The following PCDH15 variants were observed in gnomAD, a reference collection of about 807,000 sequenced individuals.
The protein encoded by PCDH15 is protocadherin related 15.
Under a neutral mutation model 178.5 loss-of-function variants are expected in PCDH15, and 129 were observed. The ratio of observed to expected loss-of-function variants is 0.72; its 90% CI spans 0.63 to 0.84. The LOEUF (loss-of-function observed/expected upper bound fraction) is 0.84, where lower values mean the gene tolerates loss of function less well. Among genes scored for constraint, PCDH15 ranks in the 40% least tolerant of loss-of-function variants. The pLI is 0.00. For synonymous variants in PCDH15, 800 were observed against 732.0 expected (o/e 1.09, Z -1.50); for missense variants, 2,230 against 2,099.9 (o/e 1.06, Z -1.21).
At chr10:55,284,905 G>A (rs373242025) in intron 1 of PCDH15, among the ~76,000 whole-genome samples, 31 of 151,654 alleles carry the variant, frequency 2.0e-4, no homozygotes, top group Middle Eastern at 3.2e-3. Flanking sequence ...TATTCATAGG[G>A]AATCAGAGTC....
At chr10:54,209,558 G>T (rs1431155646) in intron 10 of PCDH15, among the ~76,000 whole-genome samples, 2 of 151,986 alleles carry the variant, frequency 1.3e-5, no homozygotes, top group Non-Finnish European at 2.9e-5. Context: ...ACTGAAAAAG[G>T]GAATAGAAAA....
intron 23 of PCDH15, among the ~76,000 whole-genome samples, chr10:53,949,234 G>A (rs1307650294): frequency 4.6e-5 from 7 of 152,148 alleles, no homozygotes; most frequent in Admixed American, 2.0e-4. Flanking sequence ...TTAAATGGGC[G>A]AAACCTATTA....
chr10:55,388,557 C>T (rs530070989), intron 2 of PCDH15, among the ~76,000 whole-genome samples: 4 of 152,046 alleles, frequency 2.6e-5, no homozygotes, highest in African/African-American at 7.2e-5. Flanking sequence ...TTAGATTTTG[C>T]TGGGTTAATA....
chr10:54,557,495 TACA>T (rs1377777413), intron 2 of PCDH15, among the ~76,000 whole-genome samples: 3 of 152,164 alleles, frequency 2.0e-5, no homozygotes, highest in African/African-American at 7.2e-5. Context: ...TTTTGAGATA[TACA>T]ACATTACTCA....
At chr10:54,502,378 G>C (rs1565440577) in intron 3 of PCDH15, among the ~76,000 whole-genome samples, 1 of 152,048 alleles carries the variant, frequency 6.6e-6, no homozygotes, top group Non-Finnish European at 1.5e-5. Context: ...CAGTGTTTCA[G>C]TTATAACAGC....
At chr10:55,148,427 A>G (rs914535641) in intron 2 of PCDH15, among the ~76,000 whole-genome samples, 19 of 151,858 alleles carry the variant, frequency 1.3e-4, no homozygotes, top group Non-Finnish European at 2.7e-4. Flanking sequence ...GTTGTGGACT[A>G]GGACCTATGG....
At position 55,529,271 on chromosome 10, in the gene PCDH15, C is replaced by T. The variant is rs565266073; in HGVS notation, c.-156+98354G>A. 1.9e-3 allele frequency among the ~76,000 whole-genome samples: 283 copies of T among 152,172 alleles called. 3 individuals carry two copies. The highest frequency in any genetic ancestry group is 6.8e-3 in the Middle Eastern group (2 of 294). On this transcript the variant is annotated intron_variant, in intron 2 of 5. Transcript: ENST00000613346. The stretch of plus-strand genomic sequence containing the variant: ...TCAATTTTGGCTTTTGTTGTCATTG[C>T]TTCTGGTGTTTTAGACATGAAGTCT...
At chr10:53,824,336 C>A (rs937938864) in intron 32 of PCDH15, among the ~76,000 whole-genome samples, 1 of 152,100 alleles carries the variant, frequency 6.6e-6, no homozygotes, top group Non-Finnish European at 1.5e-5. Flanking sequence ...TTCTCATTAG[C>A]TTTTACTCTC....
intron 2 of PCDH15, among the ~76,000 whole-genome samples, chr10:55,347,906 A>C: frequency 6.6e-6 from 1 of 152,062 alleles, no homozygotes; most frequent in East Asian, 1.9e-4. Flanking sequence ...TCATCAGCTA[A>C]AACTTGAACC....
At chr10:55,189,020 G>A (rs1402733145) in intron 1 of PCDH15, among the ~76,000 whole-genome samples, 1 of 151,892 alleles carries the variant, frequency 6.6e-6, no homozygotes, top group African/African-American at 2.4e-5. Flanking sequence ...TTATTGCTGA[G>A]TGTAGGTTAC....
chr10:54,683,424 T>G (rs575912337), intron 1 of PCDH15, among the ~76,000 whole-genome samples: 132 of 152,194 alleles, frequency 8.7e-4, no homozygotes, highest in African/African-American at 3.1e-3. Flanking sequence ...TATGGTATAT[T>G]TGTGAAATGA....
At chr10:53,986,322 T>A (rs1273035565) in intron 21 of PCDH15, among the ~76,000 whole-genome samples, 1 of 152,224 alleles carries the variant, frequency 6.6e-6, no homozygotes, top group Non-Finnish European at 1.5e-5. Flanking sequence ...CAAATTTTTT[T>A]AAAGTTAGCA....
chr10:55,163,913 T>C (rs1839125813), intron 2 of PCDH15, among the ~76,000 whole-genome samples: 1 of 152,176 alleles, frequency 6.6e-6, no homozygotes, highest in South Asian at 2.1e-4. Context: ...GTATACTCAG[T>C]TAAGCAGCTC....
At chr10:54,453,466 G>C (rs2076611075) in intron 3 of PCDH15, among the ~76,000 whole-genome samples, 1 of 151,918 alleles carries the variant, frequency 6.6e-6, no homozygotes, top group Non-Finnish European at 1.5e-5. Context: ...AGAACACATG[G>C]ACACAGGAAG....
At chr10:54,161,868 T>C (rs2045748420) in intron 13 of PCDH15, among the ~76,000 whole-genome samples, 1 of 152,146 alleles carries the variant, frequency 6.6e-6, no homozygotes, top group South Asian at 2.1e-4. Context: ...GGAGATGGAT[T>C]TGAGACTTTA....
At chr10:54,852,838 C>T (rs894025037) in intron 3 of PCDH15, among the ~76,000 whole-genome samples, 1 of 140,590 alleles carries the variant, frequency 7.1e-6, no homozygotes, top group African/African-American at 2.8e-5. Context: ...GGGCAACAGA[C>T]TGAGACTCTG....
intron 2 of PCDH15, among the ~76,000 whole-genome samples, chr10:55,077,704 A>G (rs1011059361): frequency 6.6e-6 from 1 of 151,882 alleles, no homozygotes; most frequent in Non-Finnish European, 1.5e-5. Flanking sequence ...CATGCGCCAC[A>G]CCTGGCTACT....
chr10:55,171,690 A>C (rs1227107653), intron 1 of PCDH15, among the ~76,000 whole-genome samples: 1 of 152,104 alleles, frequency 6.6e-6, no homozygotes, highest in African/African-American at 2.4e-5. Context: ...TATGATTTCT[A>C]ATATGTCTTT....
intron 2 of PCDH15, among the ~76,000 whole-genome samples, chr10:55,033,143 G>T (rs1472117244): frequency 6.6e-6 from 1 of 152,298 alleles, no homozygotes; most frequent in African/African-American, 2.4e-5. Context: ...TCTAGGCAGA[G>T]AATTTTGTCA....
Sources: allele counts gnomAD v4.1 joint callset (sites outside exome capture counted in the v4.1 genomes callset), GRCh38; gene constraint gnomAD v4.1.1; transcripts MANE v1.5; gene names NCBI Gene and HGNC (gene_info 2026-07-23, HGNC 2026-07-21).